Variants in EPHA3 observed in about 807,000 individuals in gnomAD.
The protein encoded by EPHA3 is ephrin type-A receptor 3.
In EPHA3, 42 loss-of-function variants were observed where a neutral mutation model predicts 107.1. The observed-to-expected ratio is 0.39, with a 90% CI of 0.31 to 0.51. EPHA3 has a LOEUF of 0.51. Ranked by LOEUF, EPHA3 falls within the 20% of genes least tolerant of loss-of-function variation. EPHA3 has a pLI of 0.78. For synonymous variants in EPHA3, 461 were observed against 424.8 expected, an observed-to-expected ratio of 1.09 and a Z score of -1.05; for missense variants, 1,183 against 1,211.2, an observed-to-expected ratio of 0.98 and a Z score of 0.35.
rs552822152 is a variant in EPHA3 at position 89,370,424 on chromosome 3, G to A, written c.1307-25413G>A. On this transcript the variant is annotated intron_variant, in intron 5 of 16. Coordinates refer to ENST00000336596, the MANE Select transcript of EPHA3 (RefSeq NM_005233.6). Reference sequence around the variant, plus strand: ...TCGCAAGGACAAAAAACCAAACACCGCATGTTCTCACTCATAGGTGGGAAT... The same window carrying A: ...TCGCAAGGACAAAAAACCAAACACCACATGTTCTCACTCATAGGTGGGAAT... Among the ~76,000 whole-genome samples, 704 of 151,340 alleles carry A rather than the reference G, an allele frequency of 4.7e-3. 5 individuals are homozygous for A. The highest frequency in any genetic ancestry group is 0.014 in the Middle Eastern group (4 of 290).
intron 13 of EPHA3, among the ~76,000 whole-genome samples, chr3:89,440,848 G>A (rs551709710): frequency 1.6e-4 from 25 of 152,186 alleles, no homozygotes; most frequent in South Asian, 6.2e-4. Context: ...GACGTAAATC[G>A]AGGTGACACC....
chr3:89,263,842 G>T (rs1167630690), intron 3 of EPHA3, among the ~76,000 whole-genome samples: 1 of 152,116 alleles, frequency 6.6e-6, no homozygotes, highest in East Asian at 1.9e-4. Flanking sequence ...GGGTTTCATT[G>T]TGGACCCTCC....
intron 15 of EPHA3, among the ~76,000 whole-genome samples, chr3:89,453,960 C>G (rs1359063293): frequency 6.6e-6 from 1 of 152,146 alleles, no homozygotes; most frequent in African/African-American, 2.4e-5. Context: ...CTCCCTCTCT[C>G]TCTTCTGCAT....
intron 2 of EPHA3, among the ~76,000 whole-genome samples, chr3:89,169,945 C>G (rs1197765914): frequency 6.6e-6 from 1 of 152,104 alleles, no homozygotes; most frequent in African/African-American, 2.4e-5. Context: ...TCAACAAACT[C>G]TAATATTGAG....
At chr3:89,225,468 G>A (rs1017587530) in intron 3 of EPHA3, among the ~76,000 whole-genome samples, 3 of 152,068 alleles carry the variant, frequency 2.0e-5, no homozygotes, top group African/African-American at 7.2e-5. Context: ...ATTTCTCTTA[G>A]CTTAATAGCT....
intron 2 of EPHA3, among the ~76,000 whole-genome samples, chr3:89,179,648 C>A (rs766960791): frequency 2.3e-4 from 33 of 140,732 alleles, no homozygotes; most frequent in Non-Finnish European, 4.3e-4. Flanking sequence ...TCAAATGTTG[C>A]CAATATTTTT....
chr3:89,219,669 C>G (rs1704304056), intron 3 of EPHA3, among the ~76,000 whole-genome samples: 1 of 145,214 alleles, frequency 6.9e-6, no homozygotes, highest in African/African-American at 2.5e-5. Context: ...GATGTTACCT[C>G]CAAGAGGCAT....
intron 7 of EPHA3, among the ~76,000 whole-genome samples, chr3:89,403,204 G>C (rs1576361003): frequency 6.6e-6 from 1 of 152,070 alleles, no homozygotes; most frequent in African/African-American, 2.4e-5. Context: ...TTACAGTTGA[G>C]GAAACTGAGA....
chr3:89,150,418 C>T (rs1234906936), intron 2 of EPHA3, among the ~76,000 whole-genome samples: 3 of 151,682 alleles, frequency 2.0e-5, no homozygotes, highest in Admixed American at 2.0e-4. Context: ...AATGTGCATT[C>T]GTTATTGGAA....
At chr3:89,154,188 A>G (rs1351078258) in intron 2 of EPHA3, among the ~76,000 whole-genome samples, 4 of 151,850 alleles carry the variant, frequency 2.6e-5, no homozygotes, top group African/African-American at 9.7e-5. Flanking sequence ...TTTACTTGTT[A>G]CTGTTATTAT....
At chr3:89,342,858 T>TGC (rs1707562260) in intron 5 of EPHA3, among the ~76,000 whole-genome samples, 1 of 139,218 alleles carries the variant, frequency 7.2e-6, no homozygotes, top group Non-Finnish European at 1.6e-5. Flanking sequence ...TTTTTACACA[T>TGC]ACACACACAC....
chr3:89,166,993 GTGTC>G (rs1371743840), intron 2 of EPHA3, among the ~76,000 whole-genome samples: 1 of 152,112 alleles, frequency 6.6e-6, no homozygotes, highest in African/African-American at 2.4e-5. Context: ...TCCTCAAAAT[GTGTC>G]TGAGGTGAAA....
At chr3:89,176,520 AAT>A (rs1330545995) in intron 2 of EPHA3, among the ~76,000 whole-genome samples, 44 of 150,862 alleles carry the variant, frequency 2.9e-4, no homozygotes, top group South Asian at 2.3e-3. Flanking sequence ...AAAAAAAAAA[AAT>A]ATATGTTTTT....
At chr3:89,374,163 A>G (rs1708357177) in intron 5 of EPHA3, among the ~76,000 whole-genome samples, 1 of 151,884 alleles carries the variant, frequency 6.6e-6, no homozygotes, top group Non-Finnish European at 1.5e-5. Flanking sequence ...CTAGAATAAA[A>G]AAGTCAGGCA....
At chr3:89,154,838 A>G (rs13060198) in intron 2 of EPHA3, among the ~76,000 whole-genome samples, 16,828 of 149,094 alleles carry the variant, frequency 0.11, 984 homozygotes, top group Middle Eastern at 0.18. Context: ...CACACAGCCA[A>G]CTTCCTTTAA....
intron 3 of EPHA3, among the ~76,000 whole-genome samples, chr3:89,214,804 C>T (rs1704186887): frequency 6.6e-6 from 1 of 151,768 alleles, no homozygotes; most frequent in Non-Finnish European, 1.5e-5. Context: ...TATAAATGCA[C>T]ATTTTTATAT....
At chr3:89,356,004 C>T (rs1269889922) in intron 5 of EPHA3, among the ~76,000 whole-genome samples, 2 of 114,500 alleles carry the variant, frequency 1.7e-5, no homozygotes, top group African/African-American at 6.4e-5. Flanking sequence ...CCACAACAGT[C>T]CCCAGAGTGT....
intron 2 of EPHA3, among the ~76,000 whole-genome samples, chr3:89,144,383 A>G (rs1257175355): frequency 6.6e-6 from 1 of 151,416 alleles, no homozygotes; most frequent in African/African-American, 2.4e-5. Flanking sequence ...TTGACCATCT[A>G]TGTATCCTTC....
At chr3:89,355,201 A>G (rs1285702068) in intron 5 of EPHA3, among the ~76,000 whole-genome samples, 1 of 151,200 alleles carries the variant, frequency 6.6e-6, no homozygotes. Context: ...GAGTAAGAAG[A>G]GTTCTGGAAT....
Sources: allele counts gnomAD v4.1 joint callset (sites outside exome capture counted in the v4.1 genomes callset), GRCh38; gene constraint gnomAD v4.1.1; transcripts MANE v1.5; gene names NCBI Gene and HGNC (gene_info 2026-07-23, HGNC 2026-07-21).